Variants in NAIP observed in about 807,000 individuals in gnomAD.
The protein encoded by NAIP is baculoviral IAP repeat-containing protein 1.
Under a neutral mutation model 23.0 loss-of-function variants are expected in NAIP, and 15 were observed. The observed-to-expected ratio is 0.65, with a 90% confidence interval of 0.44 to 1.00. NAIP has a LOEUF of 1.00. NAIP is among the 50% of genes least tolerant of loss of function. NAIP has a pLI of 0.00. For synonymous variants in NAIP, 100 were observed against 100.2 expected, an observed-to-expected ratio of 1.00 and a Z score of 0.01; for missense variants, 265 against 278.8, an observed-to-expected ratio of 0.95 and a Z score of 0.35.
In NAIP at chr5:71,017,919, C is replaced by A. The variant is rs565669435; in HGVS notation, c.-4+2740G>T. Among the ~76,000 whole-genome samples, 7 of 135,660 alleles carry A rather than the reference C, an allele frequency of 5.2e-5. 1 individual carries two copies. The East Asian group carries it at 1.0e-3, about 20-fold the overall frequency. The allele number at this position is 135,660 out of a possible 152,430, so 89.0% of individuals were successfully genotyped here. ...CAAGGCTGTAGTACAAGTGCAGTGG[C>A]ATGATTCTAGCTCACTGCAGCCTCA... On this transcript the variant is annotated intron_variant, in intron 3 of 16. Transcript: ENST00000517649.
rs1181076367 is a variant in NAIP, at chr5:70,979,583, A to AT, written c.3442+285_3442+286insA. Among the ~76,000 whole-genome samples the AT allele has an allele frequency of 1.3e-4, 6 of 47,924 alleles. 1 individual carries two copies. In the South Asian group the frequency reaches 2.8e-3, roughly 22 times the overall value. The allele number at this position is 47,924 out of a possible 152,430, so 31.4% of individuals were successfully genotyped here. A position where few individuals can be genotyped will look rare whatever the true frequency, so the allele number is the denominator to read the frequency against. Reference sequence around the variant, plus strand: ...GCGGGAGACTGTCTCAAAAAAAAAAAAAATAATAATAATAATAATAATAAT... The same window carrying AT: ...GCGGGAGACTGTCTCAAAAAAAAAAATAAATAATAATAATAATAATAATAAT... On this transcript the variant is annotated intron_variant, in intron 13 of 16. Coordinates refer to ENST00000517649, the MANE Select transcript of NAIP (RefSeq NM_004536.3).
At chr5:71,014,603 A>G (rs569195772) in intron 3 of NAIP, among the ~76,000 whole-genome samples, 3 of 151,704 alleles carry the variant, frequency 2.0e-5, no homozygotes, top group Non-Finnish European at 4.4e-5. Context: ...TATCATCAAT[A>G]TAATAAGACA....
At chr5:71,010,914 T>A (rs1751120541) in intron 5 of NAIP, among the ~76,000 whole-genome samples, 2 of 151,334 alleles carry the variant, frequency 1.3e-5, no homozygotes, top group African/African-American at 4.9e-5. Flanking sequence ...GTGGCTCTTT[T>A]GTCTTTCATT....
rs968016579 is a variant in NAIP, at chr5:71,013,158, C to T, written c.-3-240G>A. On this transcript the variant is annotated intron_variant, in intron 3 of 16. Coordinates refer to ENST00000517649, the MANE Select transcript of NAIP (RefSeq NM_004536.3). Reference sequence around the variant, plus strand: ...ATTGGGGATCTAGCAACCAACAAGACAGACACCCATCTGCCTCCATTCATG... The same window carrying T: ...ATTGGGGATCTAGCAACCAACAAGATAGACACCCATCTGCCTCCATTCATG... 7.3e-5 allele frequency among the ~76,000 whole-genome samples: 11 copies of T among 151,520 alleles called. 1 individual carries two copies. The highest frequency in any genetic ancestry group is 2.7e-4 in the African/African-American group (11 of 41,268).
intron 13 of NAIP, among the ~76,000 whole-genome samples, chr5:70,977,275 TTTCTC>T (rs1253803699): frequency 6.8e-5 from 10 of 146,926 alleles, no homozygotes; most frequent in Non-Finnish European, 1.3e-4. Context: ...GGGTAACAGT[TTTCTC>T]TTCTATAAAA....
At chr5:71,010,325 G>A (rs1751089771) in intron 5 of NAIP, among the ~76,000 whole-genome samples, 1 of 151,340 alleles carries the variant, frequency 6.6e-6, no homozygotes, top group Admixed American at 6.6e-5. Flanking sequence ...CCGGAGTGCA[G>A]TGGCGCTATC....
chr5:71,011,693 G>C (rs957486036), intron 4 of NAIP: 1 of 468,254 alleles, frequency 2.1e-6, no homozygotes, highest in East Asian at 4.2e-5. Context: ...CTGAAGTAAC[G>C]TGCAATTAGA....
intron 13 of NAIP, among the ~76,000 whole-genome samples, chr5:70,978,140 TA>T (rs1750371555): frequency 2.4e-5 from 1 of 41,088 alleles, no homozygotes; most frequent in African/African-American, 5.4e-5. Flanking sequence ...CATATATATA[TA>T]TATATATATT....
intron 4 of NAIP, chr5:71,011,609 C>A: frequency 1.8e-6 from 1 of 542,660 alleles, no homozygotes; most frequent in South Asian, 2.5e-5. Context: ...CCCAGCTGCC[C>A]CCCAGAGCTG....
intron 4 of NAIP, chr5:71,011,804 AAG>A (rs1272639634): frequency 2.3e-6 from 1 of 438,908 alleles, no homozygotes; most frequent in African/African-American, 2.0e-5. Flanking sequence ...ATGGGAGAGA[AAG>A]GGGTAAATTC....
At chr5:71,014,243 A>G (rs910284519) in intron 3 of NAIP, among the ~76,000 whole-genome samples, 1 of 151,110 alleles carries the variant, frequency 6.6e-6, no homozygotes, top group African/African-American at 2.4e-5. Context: ...GATTACAGGC[A>G]CGTGCCACCA....
At chr5:70,978,156 T>TTA (rs1750379277) in intron 13 of NAIP, among the ~76,000 whole-genome samples, 1 of 112,190 alleles carries the variant, frequency 8.9e-6, no homozygotes, top group Non-Finnish European at 1.8e-5. Context: ...TATATTTTTT[T>TTA]TTTTTTTTTT....
At chr5:71,010,851 T>C (rs28447466) in intron 5 of NAIP, among the ~76,000 whole-genome samples, 2,578 of 151,250 alleles carry the variant, frequency 0.017, 87 homozygotes, top group Middle Eastern at 0.037. Flanking sequence ...AATCCTGGAG[T>C]GGTCCAATTT....
In NAIP at chr5:71,012,399, C is replaced by A; in HGVS notation, c.517G>T (p.Val173Phe). ...AGCACACAAGGGGATATCCCTTGGACATAAAATGGCCAGTTCCTGAAGGAC... is the reference window on the plus strand; with the variant it reads ...AGCACACAAGGGGATATCCCTTGGAAATAAAATGGCCAGTTCCTGAAGGAC... ...LASFRNWPFY[V>F]QGISPCVLSE... is the part of the protein sequence containing the mutation. Residue 173 changes from valine to phenylalanine, a missense_variant, in exon 4 of 17, where the codon GTC becomes TTC. Coordinates refer to ENST00000517649, the MANE Select transcript of NAIP (RefSeq NM_004536.3). 1.2e-6 allele frequency: 2 copies of A among 1,611,712 alleles called. No individual in the cohort carries two copies. The highest frequency in any genetic ancestry group is 1.7e-6 in the Non-Finnish European group (2 of 1,178,386).
At chr5:71,010,781 T>A (rs112505472) in intron 5 of NAIP, among the ~76,000 whole-genome samples, 163 of 151,546 alleles carry the variant, frequency 1.1e-3, no homozygotes, top group African/African-American at 3.9e-3. Context: ...ACTTAAAAAC[T>A]GTTTAAAATT....
chr5:71,011,774 T>G, intron 4 of NAIP: 1 of 451,050 alleles, frequency 2.2e-6, no homozygotes, highest in South Asian at 1.7e-5. Flanking sequence ...TCTCTGAGCC[T>G]CCATGAACTC....
chr5:71,009,699 T>C (rs866702139), intron 5 of NAIP, among the ~76,000 whole-genome samples: 2 of 151,392 alleles, frequency 1.3e-5, no homozygotes, highest in Admixed American at 1.3e-4. Flanking sequence ...AATAAAAATA[T>C]AGTTATTGTT....
At chr5:70,973,124 TCTC>T (rs1367174185) in intron 16 of NAIP, among the ~76,000 whole-genome samples, 1 of 151,626 alleles carries the variant, frequency 6.6e-6, no homozygotes, top group African/African-American at 2.4e-5. Context: ...ATGGTCTCGA[TCTC>T]CTGACCTCGT....
chr5:71,009,507 A>G (rs1164494606), intron 5 of NAIP, among the ~76,000 whole-genome samples: 9 of 151,276 alleles, frequency 5.9e-5, no homozygotes, highest in Non-Finnish European at 1.0e-4. Context: ...CCTGGGCAAC[A>G]TGATGAAACC....
Sources: gnomAD v4.1 joint callset for allele counts (sites outside exome capture counted in the v4.1 genomes callset) on GRCh38, gnomAD v4.1.1 for gene constraint, MANE v1.5 for transcripts, NCBI Gene and HGNC (gene_info 2026-07-23, HGNC 2026-07-21) for gene names.